Variants in UBE2H observed in about 807,000 individuals in gnomAD.
UBE2H encodes ubiquitin conjugating enzyme E2 H.
Under a neutral mutation model 29.0 loss-of-function variants are expected in UBE2H, and 3 were observed. That is an observed-to-expected ratio of 0.10 (90% CI 0.05 to 0.27). UBE2H has a LOEUF of 0.27. UBE2H is among the 10% of genes least tolerant of loss of function. The probability of loss-of-function intolerance (pLI) is 1.00; values close to 1 mark genes in which losing one functional copy is unlikely to be tolerated. For missense variants in UBE2H, 68 were observed against 228.2 expected, an observed-to-expected ratio of 0.30 and a Z score of 4.52; for synonymous variants, 69 against 82.9, an observed-to-expected ratio of 0.83 and a Z score of 0.91.
intron 5 of UBE2H, among the ~76,000 whole-genome samples, chr7:129,840,060 TAATGGAGGTA>T (rs1805400543): frequency 6.6e-6 from 1 of 152,182 alleles, no homozygotes; most frequent in African/African-American, 2.4e-5. Context: ...TTGCAACTTC[TAATGGAGGTA>T]AATATAACCA....
chr7:129,864,629 G>A (rs1216202129), intron 3 of UBE2H, among the ~76,000 whole-genome samples: 1 of 138,000 alleles, frequency 7.2e-6, no homozygotes, highest in Admixed American at 8.0e-5. Flanking sequence ...TCGGCTCACT[G>A]CAGCCTCCAC....
At chr7:129,879,169 T>C (rs1806206174) in intron 3 of UBE2H, among the ~76,000 whole-genome samples, 1 of 152,292 alleles carries the variant, frequency 6.6e-6, no homozygotes, top group Middle Eastern at 3.4e-3. Context: ...AAAAGCAAAG[T>C]AGGATCTAGG....
chr7:129,938,575 T>C (rs1055093228), intron 1 of UBE2H, among the ~76,000 whole-genome samples: 3 of 149,170 alleles, frequency 2.0e-5, no homozygotes, highest in African/African-American at 7.4e-5. Context: ...TAGCTGGGCA[T>C]GGTGGCACAT....
At chr7:129,934,261 G>A (rs1807469355) in intron 1 of UBE2H, among the ~76,000 whole-genome samples, 1 of 152,022 alleles carries the variant, frequency 6.6e-6, no homozygotes, top group Non-Finnish European at 1.5e-5. Context: ...GGTGGAGGTT[G>A]CAGTGAGCCG....
chr7:129,859,343 A>G (rs547368821), intron 3 of UBE2H, among the ~76,000 whole-genome samples: 38 of 152,218 alleles, frequency 2.5e-4, no homozygotes, highest in Non-Finnish European at 4.6e-4. Context: ...CTGCATTTCA[A>G]CTTCTCCTTC....
intron 1 of UBE2H, among the ~76,000 whole-genome samples, chr7:129,891,850 G>C (rs532126500): frequency 2.0e-5 from 3 of 150,122 alleles, no homozygotes; most frequent in African/African-American, 7.3e-5. Context: ...TTACCTAAAT[G>C]AATTGCCACA....
intron 1 of UBE2H, among the ~76,000 whole-genome samples, chr7:129,928,204 G>A (rs948811952): frequency 5.3e-5 from 8 of 151,922 alleles, no homozygotes; most frequent in East Asian, 3.9e-4. Flanking sequence ...GGTGACACGT[G>A]CCTGTAGTCC....
intron 3 of UBE2H, among the ~76,000 whole-genome samples, chr7:129,865,613 A>G (rs1021119768): frequency 6.6e-6 from 1 of 152,216 alleles, no homozygotes; most frequent in African/African-American, 2.4e-5. Flanking sequence ...CAGGGATAAA[A>G]TAAGCCTAGG....
At chr7:129,879,535 C>T in intron 3 of UBE2H, 33 bp downstream of exon 3, 2 of 1,579,944 alleles carry the variant, frequency 1.3e-6, no homozygotes, top group Non-Finnish European at 8.7e-7. Context: ...GATTTCAAAA[C>T]TCTCTAAGGA....
At chr7:129,855,004 A>C (rs1805679106) in intron 5 of UBE2H, among the ~76,000 whole-genome samples, 1 of 152,242 alleles carries the variant, frequency 6.6e-6, no homozygotes, top group Admixed American at 6.5e-5. Flanking sequence ...CAGAAACAAA[A>C]AGCAGATTCG....
At chr7:129,869,002 T>A (rs1224246060) in intron 3 of UBE2H, among the ~76,000 whole-genome samples, 1 of 150,828 alleles carries the variant, frequency 6.6e-6, no homozygotes. Context: ...AATGGCGCGA[T>A]CTCGGCTCAC....
At chr7:129,935,243 G>A (rs984122951) in intron 1 of UBE2H, among the ~76,000 whole-genome samples, 3 of 151,534 alleles carry the variant, frequency 2.0e-5, no homozygotes, top group Non-Finnish European at 2.9e-5. Flanking sequence ...GTGAAACCCT[G>A]TATCTACTAA....
chr7:129,952,245 G>A (rs940896595), intron 1 of UBE2H, among the ~76,000 whole-genome samples: 1 of 152,210 alleles, frequency 6.6e-6, no homozygotes, highest in Non-Finnish European at 1.5e-5. Flanking sequence ...AAACGTCGCG[G>A]AGGAAAGTCA....
intron 5 of UBE2H, among the ~76,000 whole-genome samples, chr7:129,849,128 C>A (rs150701078): frequency 6.7e-6 from 1 of 149,372 alleles, no homozygotes; most frequent in Admixed American, 6.8e-5. Flanking sequence ...CTACACTGCA[C>A]ACAACTAAGC....
intron 1 of UBE2H, among the ~76,000 whole-genome samples, chr7:129,941,867 C>A (rs920852218): frequency 1.9e-4 from 29 of 152,010 alleles, no homozygotes; most frequent in African/African-American, 7.0e-4. Context: ...AATAACCTAT[C>A]AAATAACTCT....
chr7:129,899,743 T>C (rs1806671180), intron 1 of UBE2H, among the ~76,000 whole-genome samples: 1 of 152,228 alleles, frequency 6.6e-6, no homozygotes, highest in Non-Finnish European at 1.5e-5. Context: ...GGACAGAGTT[T>C]AGTCTGATAC....
intron 5 of UBE2H, among the ~76,000 whole-genome samples, chr7:129,853,785 T>C (rs558265973): frequency 1.3e-5 from 2 of 152,298 alleles, no homozygotes; most frequent in African/African-American, 4.8e-5. Context: ...ACTGCTAACA[T>C]GAATGTTGTT....
At chr7:129,845,799 G>C (rs1805501224) in intron 5 of UBE2H, among the ~76,000 whole-genome samples, 2 of 152,162 alleles carry the variant, frequency 1.3e-5, no homozygotes, top group South Asian at 4.1e-4. Context: ...CTTTGACCTT[G>C]GGCAGGTCTC....
intron 1 of UBE2H, among the ~76,000 whole-genome samples, chr7:129,912,736 C>T (rs114684182): frequency 0.012 from 1,812 of 152,210 alleles, 38 homozygotes; most frequent in African/African-American, 0.042. Flanking sequence ...TTATAAAGCC[C>T]GCTCACTCAT....
Sources: gnomAD v4.1 joint callset for allele counts (sites outside exome capture counted in the v4.1 genomes callset) on GRCh38, gnomAD v4.1.1 for gene constraint, MANE v1.5 for transcripts, NCBI Gene and HGNC (gene_info 2026-07-23, HGNC 2026-07-21) for gene names.